The following CLSTN3 variants were observed in gnomAD, a reference collection of about 807,000 sequenced individuals.
CLSTN3 encodes calsyntenin-3.
Under a neutral mutation model 95.9 loss-of-function variants are expected in CLSTN3, and 36 were observed. The observed-to-expected ratio is 0.38, with a 90% CI of 0.29 to 0.50. The LOEUF (loss-of-function observed/expected upper bound fraction) is 0.50. Among genes scored for constraint, CLSTN3 ranks in the 20% least tolerant of loss-of-function variants. The pLI is 0.95. For synonymous variants in CLSTN3, 481 were observed against 504.0 expected, an observed-to-expected ratio of 0.95 and a Z score of 0.61; for missense variants, 1,084 against 1,268.8, an observed-to-expected ratio of 0.85 and a Z score of 2.21.
intron 16 of CLSTN3, among the ~76,000 whole-genome samples, chr12:7,152,538 A>C (rs1430442231): frequency 1.3e-5 from 2 of 152,182 alleles, no homozygotes; most frequent in African/African-American, 4.8e-5. Flanking sequence ...GGCTTTTGAG[A>C]ATTGAAGGCA....
chr12:7,130,382 G>A lies in CLSTN3; in HGVS notation c.-267G>A. The A allele has an allele frequency of 7.1e-7, 1 of 1,400,272 alleles. No individual in the cohort carries two copies. Among genetic ancestry groups the A allele is most frequent in the Non-Finnish European group, 9.3e-7 (1 of 1,077,132 alleles). 86.7% of individuals were successfully genotyped at this position (1,400,272 alleles called of 1,614,324 possible). A position where few individuals can be genotyped will look rare whatever the true frequency, so the allele number is the denominator to read the frequency against. ...GCTGTGCTGACGTCATCCTGCAGTA[G>A]CGGGGTTGGGGTGGGAGTGAGAGAG... On this transcript the variant is annotated 5_prime_UTR_variant, in exon 1 of 18. Transcript: ENST00000266546.
At position 7,135,399 on chromosome 12, in the gene CLSTN3, G is replaced by C; in HGVS notation, c.456G>C (p.Ala152=). 6.2e-7 allele frequency: 1 copy of C among 1,614,142 alleles called. No homozygotes were observed. Among genetic ancestry groups the C allele is most frequent in the Non-Finnish European group, 8.5e-7 (1 of 1,180,002 alleles). Residue 152 remains alanine, a synonymous_variant, in exon 4 of 18, where the codon GCG becomes GCC. Transcript: ENST00000266546. ...APVFVERLYR[A]AVTEGKLYDR... ...TGTTTGTGGAACGGCTGTATCGTGC[G>C]GCTGTGACAGAGGGGAAGCTGTACG... is the stretch of plus-strand genomic sequence containing the variant.
rs1175685838 is a variant in CLSTN3, at chr12:7,157,862, G to A, written c.2731-79G>A. 6.5e-7 allele frequency: 1 copy of A among 1,531,170 alleles called. No homozygotes were observed. The highest frequency in any genetic ancestry group is 8.8e-7 in the Non-Finnish European group (1 of 1,138,564). The allele number at this position is 1,531,170 out of a possible 1,614,324, so 94.8% of individuals were successfully genotyped here. ...GGTACACAGGGGTTAAGGGGACCGA[G>A]GGAAGTGTGGTCCCTGAAAGAGAGG... On this transcript the variant is annotated intron_variant, in intron 17 of 17. Coordinates refer to ENST00000266546, the MANE Select transcript of CLSTN3 (RefSeq NM_014718.4). The surrounding 1 kb of genome is among the most constrained non-coding windows in gnomAD (Gnocchi z 5.9).
rs2135797431 is a variant in CLSTN3 at position 7,135,914 on chromosome 12, G to A, written c.703G>A (p.Glu235Lys). 6.2e-7 allele frequency: 1 copy of A among 1,613,756 alleles called. No individual in the cohort carries two copies. Among genetic ancestry groups the A allele is most frequent in the Middle Eastern group, 1.7e-4 (1 of 6,032 alleles). Residue 235 changes from glutamate (E) to lysine (K), a missense_variant, in exon 5 of 18, where the codon GAG becomes AAG. Transcript: ENST00000266546. Reference sequence around the variant, plus strand: ...GCGGGCAGCAGATGATGCTGAGGTGGAGATTCAGGTGAAGCCCACCTGTAA... The same window carrying A: ...GCGGGCAGCAGATGATGCTGAGGTGAAGATTCAGGTGAAGCCCACCTGTAA... Reference protein sequence around the residue: ...KKRAADDAEVEIQVKPTCKPS... With the variant: ...KKRAADDAEVKIQVKPTCKPS...
chr12:7,138,261 C>A (rs1402591036), intron 8 of CLSTN3, among the ~76,000 whole-genome samples, 194 bp downstream of exon 8: 2 of 148,262 alleles, frequency 1.3e-5, no homozygotes, highest in African/African-American at 5.3e-5. Context: ...CTGCAGAAAG[C>A]ACTTCTGGAT....
At position 7,150,671 on chromosome 12, in the gene CLSTN3, C is replaced by T. The variant is rs1939708606; in HGVS notation, c.2373C>T (p.Ser791=). The stretch of plus-strand genomic sequence containing the variant: ...CGGAAATGAATGGCCGTTACTCCAG[C>T]AATGAATTCATCGTGGAGGTACCCA... The part of the protein sequence containing the change: ...SCSEMNGRYS[S]NEFIVEVNVL... The change falls in exon 15 of 18, where the codon AGC becomes AGT. Residue 791 remains serine (S), a synonymous_variant. Transcript: ENST00000266546. This position sits in a 1 kb window ranked among gnomAD's most constrained non-coding sequence, Gnocchi z 4.0. The T allele has an allele frequency of 1.2e-6, 2 of 1,613,718 alleles. No homozygotes were observed. The highest frequency in any genetic ancestry group is 2.7e-5 in the African/African-American group (2 of 74,924).
chr12:7,133,989 G>A lies in CLSTN3; in HGVS notation c.383+221G>A, dbSNP rs1939357551. On this transcript the variant is annotated intron_variant, in intron 3 of 17. Transcript: ENST00000266546. The surrounding 1 kb of genome is among the most constrained non-coding windows in gnomAD (Gnocchi z 4.7). ...GTTCAGTGGATCTAATCTTGGCTTTGCCTCTCATGACCTTGGGCAGCCTAG... is the reference window on the plus strand; with the variant it reads ...GTTCAGTGGATCTAATCTTGGCTTTACCTCTCATGACCTTGGGCAGCCTAG... The A allele has an allele frequency of 4.4e-6, 2 of 454,170 alleles. No individual in the cohort carries two copies. Among genetic ancestry groups the A allele is most frequent in the African/African-American group, 2.0e-5 (1 of 49,156 alleles). The allele number at this position is 454,170 out of a possible 1,614,324, so 28.1% of individuals were successfully genotyped here.
intron 12 of CLSTN3, among the ~76,000 whole-genome samples, chr12:7,145,900 C>A (rs1286319893): frequency 6.6e-6 from 1 of 152,190 alleles, no homozygotes; most frequent in Non-Finnish European, 1.5e-5. Flanking sequence ...TGCCAGCTCA[C>A]CTGGACCCTG....
Position 7,157,902 on chromosome 12 carries a change from G to T in CLSTN3, c.2731-39G>T. The T allele has an allele frequency of 6.5e-7, 1 of 1,547,198 alleles. No homozygotes were observed. The highest frequency in any genetic ancestry group is 1.2e-5 in the South Asian group (1 of 83,970). On this transcript the variant is annotated intron_variant, in intron 17 of 17. Coordinates refer to ENST00000266546, the MANE Select transcript of CLSTN3 (RefSeq NM_014718.4). The surrounding 1 kb of genome is among the most constrained non-coding windows in gnomAD (Gnocchi z 5.9). ...TGAAAGAGAGGCTGGGATGTGTGCA[G>T]GCCATTGATCCCTTCTCCTCTCTGT...
At chr12:7,146,090 T>C (rs184546045) in intron 12 of CLSTN3, among the ~76,000 whole-genome samples, 4 of 152,332 alleles carry the variant, frequency 2.6e-5, no homozygotes, top group Non-Finnish European at 4.4e-5. Flanking sequence ...AGTTGAGTTT[T>C]CATCATCACA....
Position 7,149,121 on chromosome 12 carries a change from TG to T in CLSTN3, c.1998del (p.Leu666PhefsTer27), listed in dbSNP as rs930893019. The stretch of plus-strand genomic sequence containing the variant: ...TTTGAGGGAACCAACGGCGTCCCTT[TG>T]TTCCCTGATCTTCAAATCACCTGCT... ...VDFEGTNGVPLFPDLQITCSI... is the reference protein window; with the variant it reads ...VDFEGTNGVPXFPDLQITCSI... On this transcript the variant is annotated frameshift_variant, in exon 13 of 18. Coordinates refer to ENST00000266546, the MANE Select transcript of CLSTN3 (RefSeq NM_014718.4). LOFTEE classifies it high-confidence loss of function. This position sits in a 1 kb window ranked among gnomAD's most constrained non-coding sequence, Gnocchi z 4.5. The T allele has an allele frequency of 6.2e-7, 1 of 1,614,078 alleles. No homozygotes were observed. The highest frequency in any genetic ancestry group is 8.5e-7 in the Non-Finnish European group (1 of 1,180,052).
upstream of CLSTN3, chr12:7,129,847 A>C (rs915727671): frequency 1.4e-5 from 14 of 980,116 alleles, no homozygotes; most frequent in Non-Finnish European, 1.7e-5. The surrounding 1 kb of genome is among the most constrained non-coding windows in gnomAD (Gnocchi z 5.5). Flanking sequence ...CGAGGGGTGC[A>C]CGACGTCCTG....
Position 7,145,111 on chromosome 12 carries a change from C to T in CLSTN3, c.1847+1800C>T, listed in dbSNP as rs2135807822. Among the ~76,000 whole-genome samples, 3 of 152,192 alleles carry T rather than the reference C, an allele frequency of 2.0e-5. No individual in the cohort carries two copies. The Middle Eastern group carries it at 0.01, about 518-fold the overall frequency. ...TGGAGCTCTGCAAGGGGAGTTCCTG[C>T]GGGGGGAGGAGTTGACATTCTCTTT... On this transcript the variant is annotated intron_variant, in intron 12 of 17. Transcript: ENST00000266546.
intron 16 of CLSTN3, among the ~76,000 whole-genome samples, chr12:7,152,454 T>C (rs1939740133): frequency 6.6e-6 from 1 of 152,130 alleles, no homozygotes; most frequent in Non-Finnish European, 1.5e-5. Flanking sequence ...TAATTTTAAG[T>C]TTTTAAACAT....
rs1340685514 is a variant in CLSTN3 at position 7,157,637 on chromosome 12, C to T, written c.2676C>T (p.Asp892=). 1.9e-6 allele frequency: 3 copies of T among 1,609,040 alleles called. No individual in the cohort carries two copies. In the African/African-American group the frequency reaches 4.0e-5, roughly 22 times the overall value. The stretch of plus-strand genomic sequence containing the variant: ...CAGGGGCCTCCAGTGACCCCAAGGA[C>T]CCAGACCTCTTCTGGGATGACTCAG... ...GPPGASSDPK[D]PDLFWDDSAL... The change falls in exon 17 of 18, where the codon GAC becomes GAT. Residue 892 remains aspartate (D), a synonymous_variant. Coordinates refer to ENST00000266546, the MANE Select transcript of CLSTN3 (RefSeq NM_014718.4). The surrounding 1 kb of genome is among the most constrained non-coding windows in gnomAD (Gnocchi z 5.9).
chr12:7,138,829 C>CAAAAAAA (rs5796259), intron 8 of CLSTN3: 3 of 43,224 alleles, frequency 6.9e-5, no homozygotes, highest in Non-Finnish European at 1.1e-4. Flanking sequence ...AAGCAAACGG[C>CAAAAAAA]AAAAAAAAAA....
Position 7,157,901 on chromosome 12 carries a change from A to C in CLSTN3, c.2731-40A>C. 6.5e-7 allele frequency: 1 copy of C among 1,547,016 alleles called. No individual in the cohort carries two copies. Among genetic ancestry groups the C allele is most frequent in the African/African-American group, 1.4e-5 (1 of 73,046 alleles). On this transcript the variant is annotated intron_variant, in intron 17 of 17. Transcript: ENST00000266546. This position sits in a 1 kb window ranked among gnomAD's most constrained non-coding sequence, Gnocchi z 5.9. ...CTGAAAGAGAGGCTGGGATGTGTGCAGGCCATTGATCCCTTCTCCTCTCTG... is the reference window on the plus strand; with the variant it reads ...CTGAAAGAGAGGCTGGGATGTGTGCCGGCCATTGATCCCTTCTCCTCTCTG...
upstream of CLSTN3, chr12:7,130,292 G>C: frequency 1.2e-6 from 1 of 828,878 alleles, no homozygotes; most frequent in Non-Finnish European, 1.6e-6. Context: ...CTCCCCCGCT[G>C]CAGCACCTGG....
rs1043301954 is a variant in CLSTN3, at chr12:7,149,972, C to T, written c.2245+279C>T. The stretch of plus-strand genomic sequence containing the variant: ...TTCCATTCAGGCTTCTCACCTTCCT[C>T]TCCTCCTTCGGCTCATCTCTGCCCA... On this transcript the variant is annotated intron_variant, in intron 14 of 17. Transcript: ENST00000266546. This position sits in a 1 kb window ranked among gnomAD's most constrained non-coding sequence, Gnocchi z 4.5. 6.6e-6 allele frequency among the ~76,000 whole-genome samples: 1 copy of T among 152,204 alleles called. No individual in the cohort carries two copies. Among genetic ancestry groups the T allele is most frequent in the Admixed American group, 6.5e-5 (1 of 15,286 alleles).
Sources: allele counts gnomAD v4.1 joint callset (sites outside exome capture counted in the v4.1 genomes callset), GRCh38; gene constraint gnomAD v4.1.1; non-coding constraint Gnocchi (gnomAD v3.1); transcripts MANE v1.5; gene names NCBI Gene and HGNC (gene_info 2026-07-23, HGNC 2026-07-21).